Variants in LINGO2 observed in about 807,000 individuals in gnomAD.
The protein encoded by LINGO2 is leucine rich repeat and Ig domain containing 2.
Under a neutral mutation model 30.6 loss-of-function variants are expected in LINGO2, and 14 were observed. The observed-to-expected ratio is 0.46, with a 90% confidence interval of 0.30 to 0.72. The LOEUF (loss-of-function observed/expected upper bound fraction) is 0.72. Among genes scored for constraint, LINGO2 ranks in the 30% least tolerant of loss-of-function variants. LINGO2 has a pLI of 0.07. For synonymous variants in LINGO2, 317 were observed against 288.5 expected (o/e 1.10, Z -1.00); for missense variants, 729 against 751.7 (o/e 0.97, Z 0.35).
chr9:28,225,600 A>G (rs1316656776), intron 4 of LINGO2, among the ~76,000 whole-genome samples: 1 of 152,074 alleles, frequency 6.6e-6, no homozygotes, highest in African/African-American at 2.4e-5. Context: ...AACACTAACA[A>G]ATATTTCAAT....
At chr9:29,092,720 C>A in the LINGO2 span, among the ~76,000 whole-genome samples, 1 of 136,512 alleles carries the variant, frequency 7.3e-6, no homozygotes, top group African/African-American at 2.7e-5. Flanking sequence ...ATTTAAAGTT[C>A]AAAGTGATAG....
chr9:28,270,698 C>T (rs1180640883), intron 4 of LINGO2, among the ~76,000 whole-genome samples: 2 of 152,070 alleles, frequency 1.3e-5, no homozygotes, highest in Non-Finnish European at 2.9e-5. Context: ...CTTCCTGAAT[C>T]GAATTTGTGC....
At chr9:28,882,494 C>T in the LINGO2 span, among the ~76,000 whole-genome samples, 1 of 152,174 alleles carries the variant, frequency 6.6e-6, no homozygotes, top group Admixed American at 6.5e-5. Context: ...AGTAATACAA[C>T]AGCATTAAAG....
At chr9:29,063,415 T>A in the LINGO2 span, among the ~76,000 whole-genome samples, 1 of 151,972 alleles carries the variant, frequency 6.6e-6, no homozygotes. Flanking sequence ...CCTTTTTTTT[T>A]TTTTTTGACA....
the LINGO2 span, among the ~76,000 whole-genome samples, chr9:28,960,170 A>C: frequency 8.5e-5 from 13 of 152,170 alleles, no homozygotes; most frequent in African/African-American, 3.1e-4. Flanking sequence ...TTATAGTTTT[A>C]ATTAAAAAAG....
the LINGO2 span, among the ~76,000 whole-genome samples, chr9:28,990,093 T>C: frequency 0.19 from 28,515 of 152,122 alleles, 2,842 homozygotes; most frequent in East Asian, 0.27. Flanking sequence ...GGTGAGGCAT[T>C]GCCTCACTGG....
intron 3 of LINGO2, among the ~76,000 whole-genome samples, chr9:28,315,423 A>G (rs1824807212): frequency 6.6e-6 from 1 of 150,386 alleles, no homozygotes; most frequent in Non-Finnish European, 1.5e-5. Context: ...AAAAAAAATG[A>G]CACACTCTTG....
chr9:28,908,716 T>A, the LINGO2 span, among the ~76,000 whole-genome samples: 1 of 151,746 alleles, frequency 6.6e-6, no homozygotes, highest in Non-Finnish European at 1.5e-5. Flanking sequence ...CAAGAAAAGG[T>A]TTTTTAAATT....
chr9:28,670,882 T>C (rs566648573), upstream of LINGO2, among the ~76,000 whole-genome samples: 388 of 152,204 alleles, frequency 2.5e-3, 1 homozygote, highest in African/African-American at 8.3e-3. Context: ...ATAAAATACA[T>C]ATGCTTGCTA....
chr9:28,431,592 A>C (rs1473188013), intron 2 of LINGO2, among the ~76,000 whole-genome samples: 1 of 152,198 alleles, frequency 6.6e-6, no homozygotes, highest in Non-Finnish European at 1.5e-5. Context: ...TTTGTGATTC[A>C]ATAACTCATG....
chr9:28,154,454 T>G (rs1389886295), intron 4 of LINGO2, among the ~76,000 whole-genome samples: 1 of 152,200 alleles, frequency 6.6e-6, no homozygotes, highest in Non-Finnish European at 1.5e-5. Context: ...TTGGTCTGCT[T>G]GGATACATGC....
chr9:28,993,218 T>C, the LINGO2 span, among the ~76,000 whole-genome samples: 1 of 151,698 alleles, frequency 6.6e-6, no homozygotes, highest in East Asian at 1.9e-4. Flanking sequence ...CAAACTACCA[T>C]CAGAGAATAC....
intron 5 of LINGO2, among the ~76,000 whole-genome samples, chr9:27,988,779 C>A (rs1019340062): frequency 1.8e-4 from 28 of 151,918 alleles, no homozygotes; most frequent in African/African-American, 6.5e-4. Context: ...CTCTTCCTAT[C>A]TCTGTAACTG....
At chr9:28,667,286 T>C (rs1828841378) in intron 1 of LINGO2, among the ~76,000 whole-genome samples, 1 of 152,186 alleles carries the variant, frequency 6.6e-6, no homozygotes, top group African/African-American at 2.4e-5. Flanking sequence ...TCATATTGGG[T>C]CACATTTCAT....
intron 4 of LINGO2, among the ~76,000 whole-genome samples, chr9:28,227,168 C>T (rs897734252): frequency 1.3e-5 from 2 of 152,036 alleles, no homozygotes; most frequent in African/African-American, 4.8e-5. Context: ...ATGTACAGAT[C>T]AGAAACTTGA....
intron 4 of LINGO2, among the ~76,000 whole-genome samples, chr9:28,161,325 G>A (rs1172299533): frequency 2.0e-5 from 3 of 152,064 alleles, no homozygotes; most frequent in African/African-American, 4.8e-5. Flanking sequence ...ATATAATTAA[G>A]AGGAAAATAA....
At chr9:28,358,643 T>C (rs1489253821) in intron 3 of LINGO2, among the ~76,000 whole-genome samples, 2 of 152,080 alleles carry the variant, frequency 1.3e-5, no homozygotes, top group East Asian at 3.9e-4. Context: ...AAATGGAACT[T>C]CTCTGTGCTT....
chr9:28,878,034 T>C, the LINGO2 span, among the ~76,000 whole-genome samples: 1 of 152,158 alleles, frequency 6.6e-6, no homozygotes, highest in Non-Finnish European at 1.5e-5. Flanking sequence ...CCTTCAAAAA[T>C]TAATGAATCC....
At chr9:28,079,581 C>T (rs1428717483) in intron 4 of LINGO2, among the ~76,000 whole-genome samples, 2 of 152,194 alleles carry the variant, frequency 1.3e-5, no homozygotes, top group Non-Finnish European at 2.9e-5. Context: ...TAGATCTCCT[C>T]TGCTGCACTT....
Sources: gnomAD v4.1 joint callset for allele counts (sites outside exome capture counted in the v4.1 genomes callset) on GRCh38, gnomAD v4.1.1 for gene constraint, MANE v1.5 for transcripts, NCBI Gene and HGNC (gene_info 2026-07-23, HGNC 2026-07-21) for gene names.